ASIC2: variants seen among roughly 807,000 people sequenced by gnomAD.
ASIC2 encodes the protein acid sensing ion channel subunit 2.
ASIC2 carries 25 observed loss-of-function variants against 57.3 expected under a neutral mutation model. The observed-to-expected ratio is 0.44, with a 90% CI of 0.32 to 0.61. The LOEUF is 0.61. ASIC2 is among the 20% of genes least tolerant of loss of function. ASIC2 has a pLI of 0.06. For missense variants in ASIC2, 641 were observed against 738.1 expected (o/e 0.87, Z 1.52); for synonymous variants, 319 against 307.5 (o/e 1.04, Z -0.39).
intron 1 of ASIC2, among the ~76,000 whole-genome samples, chr17:33,743,206 C>T (rs1910159745): frequency 6.6e-6 from 1 of 152,236 alleles, no homozygotes; most frequent in Non-Finnish European, 1.5e-5. Context: ...TATTTAAAGT[C>T]TCTGGAAATT....
At chr17:34,037,136 CA>C (rs1416299451) in intron 1 of ASIC2, 1 of 153,022 alleles carries the variant, frequency 6.5e-6, no homozygotes, top group Non-Finnish European at 1.5e-5. Flanking sequence ...CCTCCGAAGT[CA>C]AACACCATCC....
At chr17:33,101,476 C>A (rs890888253) in intron 2 of ASIC2, among the ~76,000 whole-genome samples, 6 of 152,172 alleles carry the variant, frequency 3.9e-5, no homozygotes, top group Admixed American at 1.3e-4. Context: ...CAACTTTCAA[C>A]TGTTTTAGCT....
intron 1 of ASIC2, among the ~76,000 whole-genome samples, chr17:33,896,523 G>A (rs1053808015): frequency 5.3e-5 from 8 of 152,196 alleles, no homozygotes; most frequent in African/African-American, 1.9e-4. Flanking sequence ...AATGCTGATG[G>A]AGGAGGATGG....
At chr17:34,149,622 G>A (rs1379403335) in intron 1 of ASIC2, among the ~76,000 whole-genome samples, 1 of 152,162 alleles carries the variant, frequency 6.6e-6, no homozygotes, top group Admixed American at 6.5e-5. Context: ...GATGAGTGAA[G>A]ACATCAGGCC....
rs1555596825 is a variant in ASIC2, at chr17:34,099,798, G to GAAAGAAAAGA, written c.555+56170_555+56179dup. The stretch of plus-strand genomic sequence containing the variant: ...AGAAAGAAAGAAAGAAAGAAAGAAA[G>GAAAGAAAAGA]AAAGAAAAGAGAATCTCATAGTATT... On this transcript the variant is annotated intron_variant, in intron 1 of 9. Coordinates refer to the ASIC2 transcript ENST00000359872. 1.8e-3 allele frequency among the ~76,000 whole-genome samples: 179 copies of GAAAGAAAAGA among 99,198 alleles called. 6 individuals carry two copies. Among genetic ancestry groups the GAAAGAAAAGA allele is most frequent in the African/African-American group, 3.9e-3 (90 of 22,844 alleles). 65.1% of individuals were successfully genotyped at this position (99,198 alleles called of 152,430 possible).
intron 1 of ASIC2, among the ~76,000 whole-genome samples, chr17:34,073,053 T>C (rs1208139486): frequency 6.6e-6 from 1 of 152,042 alleles, no homozygotes; most frequent in African/African-American, 2.4e-5. Context: ...TAGGAGAAAA[T>C]GAGATGAATG....
chr17:33,669,205 C>T (rs966334081), intron 1 of ASIC2, among the ~76,000 whole-genome samples: 18 of 152,188 alleles, frequency 1.2e-4, no homozygotes, highest in African/African-American at 3.4e-4. Flanking sequence ...AAATTCCTGC[C>T]TCAAGGTTCA....
intron 1 of ASIC2, chr17:34,004,029 G>A (rs1906438011): frequency 6.6e-6 from 1 of 152,192 alleles, no homozygotes; most frequent in African/African-American, 2.4e-5. Context: ...TATGATTTGA[G>A]TGCCTTCCTG....
chr17:33,915,542 T>C, intron 1 of ASIC2, among the ~76,000 whole-genome samples: 1 of 152,324 alleles, frequency 6.6e-6, no homozygotes. Context: ...CTCCTCAAGC[T>C]ACAGCCCGTT....
At chr17:33,350,864 G>C (rs1381131616) in intron 1 of ASIC2, among the ~76,000 whole-genome samples, 2 of 151,996 alleles carry the variant, frequency 1.3e-5, no homozygotes, top group Non-Finnish European at 2.9e-5. Flanking sequence ...TAGCATCATA[G>C]TATCAGTTTA....
chr17:33,586,630 GCTT>G (rs1325199201), intron 1 of ASIC2, among the ~76,000 whole-genome samples: 3 of 152,010 alleles, frequency 2.0e-5, no homozygotes, highest in African/African-American at 7.2e-5. Flanking sequence ...TTTTTGCTTT[GCTT>G]CTTCAATTAT....
At chr17:33,411,979 T>C (rs887049367) in intron 1 of ASIC2, among the ~76,000 whole-genome samples, 5 of 152,120 alleles carry the variant, frequency 3.3e-5, no homozygotes, top group African/African-American at 1.2e-4. Context: ...AACAAATCTG[T>C]GAGTGCTATG....
At chr17:33,345,493 C>G (rs1424906362) in intron 1 of ASIC2, among the ~76,000 whole-genome samples, 1 of 152,140 alleles carries the variant, frequency 6.6e-6, no homozygotes, top group Non-Finnish European at 1.5e-5. Context: ...CAATATGGAG[C>G]AGAGATTTAA....
chr17:33,026,454 C>T (rs533546201), intron 4 of ASIC2, among the ~76,000 whole-genome samples: 1 of 152,192 alleles, frequency 6.6e-6, no homozygotes, highest in Non-Finnish European at 1.5e-5. Flanking sequence ...CCCAGGACAC[C>T]AAGGCTAGTA....
Position 33,420,107 on chromosome 17 carries a change from T to G in ASIC2, c.556-308040A>C, listed in dbSNP as rs192254736. On this transcript the variant is annotated intron_variant, in intron 1 of 9. Transcript: ENST00000359872. ...TGCATTATCATAAGCTGCGCTATAT[T>G]TCCAACAAAAGTAGTTCATAATAAA... Among the ~76,000 whole-genome samples the G allele has an allele frequency of 3.7e-4, 57 of 152,334 alleles. No homozygotes were observed. In the East Asian group the frequency reaches 0.011, roughly 29 times the overall value.
intron 1 of ASIC2, among the ~76,000 whole-genome samples, chr17:33,686,661 G>C (rs893202121): frequency 6.6e-6 from 1 of 152,180 alleles, no homozygotes; most frequent in Non-Finnish European, 1.5e-5. Flanking sequence ...CTTGCAGTCA[G>C]AATGACTGGC....
At chr17:33,021,162 T>TTCCCC in intron 7 of ASIC2, 57 bp downstream of exon 7, 12 of 694,002 alleles carry the variant, frequency 1.7e-5, no homozygotes, top group East Asian at 5.7e-5. Context: ...CTGTGCATCC[T>TTCCCC]CCCTCCCTCC....
intron 7 of ASIC2, among the ~76,000 whole-genome samples, chr17:33,020,749 G>C (rs1452240924): frequency 6.6e-6 from 1 of 152,148 alleles, no homozygotes; most frequent in Non-Finnish European, 1.5e-5. Context: ...TCTGGATGCA[G>C]CAATGTTGCT....
intron 1 of ASIC2, among the ~76,000 whole-genome samples, chr17:33,765,400 G>T (rs187454229): frequency 6.6e-6 from 1 of 152,228 alleles, no homozygotes; most frequent in East Asian, 1.9e-4. Flanking sequence ...GAGCCACCGC[G>T]CCCGGCGATG....
Sources: gnomAD v4.1 joint callset for allele counts (sites outside exome capture counted in the v4.1 genomes callset) on GRCh38, gnomAD v4.1.1 for gene constraint, MANE v1.5 for transcripts, NCBI Gene and HGNC (gene_info 2026-07-23, HGNC 2026-07-21) for gene names.